The following PCDH15 variants were observed in gnomAD, a reference collection of about 807,000 sequenced individuals.
The protein encoded by PCDH15 is protocadherin related 15.
Under a neutral mutation model 178.5 loss-of-function variants are expected in PCDH15, and 129 were observed. The observed-to-expected ratio is 0.72, with a 90% confidence interval of 0.63 to 0.84. The LOEUF (loss-of-function observed/expected upper bound fraction) is 0.84. Ranked by LOEUF, PCDH15 falls within the 40% of genes least tolerant of loss-of-function variation. PCDH15 has a pLI of 0.00. For synonymous variants in PCDH15, 800 were observed against 732.0 expected (o/e 1.09, Z -1.50); for missense variants, 2,230 against 2,099.9 (o/e 1.06, Z -1.21).
intron 2 of PCDH15, among the ~76,000 whole-genome samples, chr10:54,620,074 G>T (rs996736272): frequency 6.6e-6 from 1 of 151,986 alleles, no homozygotes; most frequent in Non-Finnish European, 1.5e-5. Context: ...AAGATATATT[G>T]TTGATTATTT....
intron 1 of PCDH15, among the ~76,000 whole-genome samples, chr10:54,666,564 T>C (rs2094574875): frequency 6.6e-6 from 1 of 152,014 alleles, no homozygotes; most frequent in Non-Finnish European, 1.5e-5. Flanking sequence ...CTATATACAA[T>C]GGCTTCAAAT....
In PCDH15 at chr10:54,662,220, C is replaced by T. The variant is rs138473841; in HGVS notation, c.91+1952G>A. Among the ~76,000 whole-genome samples the T allele has an allele frequency of 1.4e-3, 219 of 151,802 alleles. 1 individual carries two copies. Among genetic ancestry groups the T allele is most frequent in the African/African-American group, 5.1e-3 (213 of 41,462 alleles). On this transcript the variant is annotated intron_variant, in intron 2 of 37. Transcript: ENST00000644397. ...ATCAACAAGAACAAAACATATAACTCCATTAATAAGTGAGGAAAGAATGTA... is the reference window on the plus strand; with the variant it reads ...ATCAACAAGAACAAAACATATAACTTCATTAATAAGTGAGGAAAGAATGTA...
intron 2 of PCDH15, among the ~76,000 whole-genome samples, chr10:54,944,541 T>G (rs551396472): frequency 6.6e-6 from 1 of 151,986 alleles, no homozygotes; most frequent in South Asian, 2.1e-4. Flanking sequence ...GAATACACAG[T>G]TTATGCTAGT....
At chr10:54,655,303 A>G (rs1205445157) in intron 2 of PCDH15, among the ~76,000 whole-genome samples, 5 of 93,562 alleles carry the variant, frequency 5.3e-5, no homozygotes, top group African/African-American at 2.0e-4. Flanking sequence ...AGAGAGAGAG[A>G]CAGAGAGAGA....
chr10:53,873,303 G>T (rs553920908), intron 26 of PCDH15, among the ~76,000 whole-genome samples: 2 of 152,126 alleles, frequency 1.3e-5, no homozygotes, highest in East Asian at 3.9e-4. Flanking sequence ...CAATCAGTCT[G>T]GTGTTCTTTA....
At chr10:55,288,893 A>ATATATATATATATAT (rs1842941658) in intron 1 of PCDH15, among the ~76,000 whole-genome samples, 1 of 151,500 alleles carries the variant, frequency 6.6e-6, no homozygotes, top group African/African-American at 2.4e-5. Flanking sequence ...ATATATCTAG[A>ATATATATATATATAT]ACTTGGATTG....
In PCDH15 at chr10:55,056,225, A is replaced by C. The variant is rs560931626; in HGVS notation, c.-80+110351T>G. Among the ~76,000 whole-genome samples the C allele has an allele frequency of 4.7e-4, 71 of 152,268 alleles. 1 individual carries two copies. The South Asian group carries it at 0.014, about 29-fold the overall frequency. ...AAAAGAGAAAAATAAATGAACAACA[A>C]CACCACCATTAAACATTAAAGCCAA... On this transcript the variant is annotated intron_variant, in intron 2 of 5. Transcript: ENST00000458638.
rs75914599 is a variant in PCDH15, at chr10:53,886,640, C to T, written c.3501+16603G>A. ...TTTTTTTGGCACCTTTGGGCTCAGC[C>T]GCATCTTACACTCATATCTTAGCTC... On this transcript the variant is annotated intron_variant, in intron 26 of 37. Transcript: ENST00000644397. Among the ~76,000 whole-genome samples, 143 of 133,614 alleles carry T rather than the reference C, an allele frequency of 1.1e-3. 2 individuals are homozygous for T. Among genetic ancestry groups the T allele is most frequent in the Admixed American group, 5.9e-3 (68 of 11,554 alleles). 87.7% of individuals were successfully genotyped at this position (133,614 alleles called of 152,430 possible).
intron 2 of PCDH15, among the ~76,000 whole-genome samples, chr10:54,982,034 T>A (rs904791646): frequency 2.0e-5 from 3 of 152,070 alleles, no homozygotes; most frequent in Non-Finnish European, 4.4e-5. Context: ...CCTCCCAAAC[T>A]GCTAGGATTA....
At chr10:54,672,114 G>A (rs577296235) in intron 1 of PCDH15, among the ~76,000 whole-genome samples, 6 of 152,048 alleles carry the variant, frequency 3.9e-5, no homozygotes, top group African/African-American at 7.2e-5. Flanking sequence ...ATCTGTCATT[G>A]TCTCTCATTA....
chr10:53,989,737 A>G (rs944797219), intron 21 of PCDH15, among the ~76,000 whole-genome samples: 1 of 152,162 alleles, frequency 6.6e-6, no homozygotes, highest in African/African-American at 2.4e-5. Flanking sequence ...GTGAGAAATC[A>G]TAGTTAGTAG....
intron 13 of PCDH15, among the ~76,000 whole-genome samples, chr10:54,176,895 T>C (rs919863092): frequency 2.0e-5 from 3 of 152,092 alleles, no homozygotes; most frequent in Non-Finnish European, 4.4e-5. Flanking sequence ...ATTCATTCTA[T>C]ATGATCCAGC....
rs1013956540 is a variant in PCDH15, at chr10:55,574,828, G to A, written c.-156+52797C>T. On this transcript the variant is annotated intron_variant, in intron 2 of 5. Coordinates refer to the PCDH15 transcript ENST00000613346. ...GGATATTATACTAAGGAAACCTGGGGAGGATAATAGTTTATCTATCTTCTT... is the reference window on the plus strand; with the variant it reads ...GGATATTATACTAAGGAAACCTGGGAAGGATAATAGTTTATCTATCTTCTT... Among the ~76,000 whole-genome samples, 19 of 152,102 alleles carry A rather than the reference G, an allele frequency of 1.2e-4. No homozygotes were observed. In the East Asian group the frequency reaches 3.3e-3, roughly 26 times the overall value.
chr10:54,586,115 T>C (rs1000477411), intron 2 of PCDH15, among the ~76,000 whole-genome samples: 6 of 152,212 alleles, frequency 3.9e-5, no homozygotes, highest in Non-Finnish European at 1.5e-5. Flanking sequence ...TTCACCTCTG[T>C]AATATAATTT....
At chr10:54,472,207 G>GT (rs1337746805) in intron 3 of PCDH15, among the ~76,000 whole-genome samples, 1 of 149,294 alleles carries the variant, frequency 6.7e-6, no homozygotes, top group Non-Finnish European at 1.5e-5. Flanking sequence ...AAAAAATGTT[G>GT]TTTTAACATG....
At chr10:54,851,743 T>C (rs1802880190) in intron 3 of PCDH15, among the ~76,000 whole-genome samples, 1 of 152,128 alleles carries the variant, frequency 6.6e-6, no homozygotes, top group South Asian at 2.1e-4. Context: ...CTAATATTTG[T>C]ATTTTTAGTA....
chr10:53,815,163 C>CACTT (rs887115101), intron 35 of PCDH15, among the ~76,000 whole-genome samples: 1 of 152,086 alleles, frequency 6.6e-6, no homozygotes, highest in African/African-American at 2.4e-5. Flanking sequence ...GTAGATCAAA[C>CACTT]ACTTAATGTA....
rs1228140711 is a variant in PCDH15 at position 55,072,947 on chromosome 10, C to T, written c.-80+93629G>A. 8.0e-3 allele frequency among the ~76,000 whole-genome samples: 1,213 copies of T among 151,352 alleles called. 17 individuals carry two copies. Among genetic ancestry groups the T allele is most frequent in the African/African-American group, 0.028 (1,146 of 41,176 alleles). On this transcript the variant is annotated intron_variant, in intron 2 of 5. Coordinates refer to the PCDH15 transcript ENST00000458638. ...TGGGATGCAAGGCTGGTTCAATATA[C>T]GCAAATCAATAAATGTAATCCAGCA...
intron 2 of PCDH15, among the ~76,000 whole-genome samples, chr10:55,529,741 G>GTATATATATA (rs56254743): frequency 0.11 from 6,709 of 62,130 alleles, 566 homozygotes; most frequent in East Asian, 0.14. Context: ...TTGTCTGTGA[G>GTATATATATA]TATATATATA....
Sources: gnomAD v4.1 joint callset for allele counts (sites outside exome capture counted in the v4.1 genomes callset) on GRCh38, gnomAD v4.1.1 for gene constraint, MANE v1.5 for transcripts, NCBI Gene and HGNC (gene_info 2026-07-23, HGNC 2026-07-21) for gene names.